Variants in VDR observed in about 807,000 individuals in gnomAD.
VDR encodes vitamin D3 receptor.
Under a neutral mutation model 39.7 loss-of-function variants are expected in VDR, and 19 were observed. The observed-to-expected ratio is 0.48, with a 90% CI of 0.33 to 0.70. The LOEUF is 0.70. VDR is among the 30% of genes least tolerant of loss of function. The pLI, the probability that VDR is intolerant of heterozygous loss-of-function variation, is 0.02. For synonymous variants in VDR, 242 were observed against 215.8 expected (o/e 1.12, Z -1.07); for missense variants, 442 against 570.5 (o/e 0.77, Z 2.29).
rs1379197930 is a variant in VDR, at chr12:47,855,695, C to T, written c.690G>A (p.Leu230=). 2 of 1,614,008 alleles carry T rather than the reference C, an allele frequency of 1.2e-6. No homozygotes were observed. Among genetic ancestry groups the T allele is most frequent in the Admixed American group, 3.3e-5 (2 of 59,996 alleles). Residue 230 remains leucine (L), a synonymous_variant, in exon 7 of 10, where the codon CTG becomes CTA. Coordinates refer to ENST00000549336, the MANE Select transcript of VDR (RefSeq NM_000376.3). ...ELSQLSMLPH[L]ADLVSYSIQK... Reference sequence around the variant, plus strand: ...GGATGCTGTAACTGACCAGGTCAGCCAGGTGGGGCAGCATGGAGAGCTGGG... The same window carrying T: ...GGATGCTGTAACTGACCAGGTCAGCTAGGTGGGGCAGCATGGAGAGCTGGG...
chr12:47,882,880 C>T (rs1946184458), intron 1 of VDR, 106 bp from the exon 2 acceptor site: 1 of 835,212 alleles, frequency 1.2e-6, no homozygotes, highest in Non-Finnish European at 1.9e-6. Flanking sequence ...CTTTAGTCCC[C>T]AGATCAGTGA....
chr12:47,903,732 A>G (rs955413183), intron 1 of VDR, among the ~76,000 whole-genome samples: 2 of 152,128 alleles, frequency 1.3e-5, no homozygotes, highest in Non-Finnish European at 2.9e-5. Flanking sequence ...TGCTAATGAG[A>G]CCACTAGGCA....
chr12:47,860,880 C>T (rs539906414), intron 4 of VDR, among the ~76,000 whole-genome samples: 13 of 152,136 alleles, frequency 8.5e-5, no homozygotes, highest in South Asian at 2.1e-4. Flanking sequence ...AGAAAATATT[C>T]GTAATGCTGG....
chr12:47,874,883 A>C (rs1318695752), intron 3 of VDR, among the ~76,000 whole-genome samples: 1 of 152,216 alleles, frequency 6.6e-6, no homozygotes, highest in Non-Finnish European at 1.5e-5. Context: ...TGTCATTTGG[A>C]ATAGACCTAT....
intron 1 of VDR, among the ~76,000 whole-genome samples, chr12:47,892,915 T>A (rs1358376194): frequency 6.6e-6 from 1 of 152,040 alleles, no homozygotes; most frequent in Non-Finnish European, 1.5e-5. Flanking sequence ...GAGTTTAATG[T>A]GGTGTGGTAA....
intron 3 of VDR, among the ~76,000 whole-genome samples, chr12:47,876,219 C>CTG (rs34365014): frequency 0.51 from 77,011 of 150,270 alleles, 19,704 homozygotes; most frequent in East Asian, 0.63. Flanking sequence ...TGAAGGTTGA[C>CTG]TGTGTGTGTG....
intron 1 of VDR, among the ~76,000 whole-genome samples, chr12:47,898,017 C>A (rs1487547904): frequency 1.3e-5 from 2 of 152,212 alleles, no homozygotes; most frequent in African/African-American, 4.8e-5. Context: ...TAATTGAGCA[C>A]ATAGTATGGG....
chr12:47,872,115 C>T (rs1225768730), intron 3 of VDR, among the ~76,000 whole-genome samples: 2 of 152,234 alleles, frequency 1.3e-5, no homozygotes, highest in African/African-American at 4.8e-5. Flanking sequence ...AAAAAATCCA[C>T]TACCCACTAC....
At chr12:47,856,700 C>T (rs1259291995) in intron 6 of VDR, among the ~76,000 whole-genome samples, 1 of 152,016 alleles carries the variant, frequency 6.6e-6, no homozygotes, top group African/African-American at 2.4e-5. Context: ...GACAGGTCCT[C>T]CAGGGCCAGA....
At position 47,846,807 on chromosome 12, in the gene VDR, C is replaced by A. The variant is rs1945290166; in HGVS notation, c.757G>T (p.Asp253Tyr). 1 of 1,614,128 alleles carries A rather than the reference C, an allele frequency of 6.2e-7. No individual in the cohort carries two copies. Among genetic ancestry groups the A allele is most frequent in the Non-Finnish European group, 8.5e-7 (1 of 1,180,026 alleles). The change falls in exon 8 of 10, where the codon GAC becomes TAC. Residue 253 changes from aspartate to tyrosine, a missense_variant and splice_region_variant. Asp to Tyr is a radical substitution (Grantham distance 160). Transcript: ENST00000549336. ...ACGATCTGGTCCTCAGAGGTGAGGT[C>A]TCTGCAGGGGAGGGAGGGAAGGAGG... ...GFAKMIPGFR[D>Y]LTSEDQIVLL...
intron 4 of VDR, among the ~76,000 whole-genome samples, chr12:47,861,614 C>T (rs1945626915): frequency 6.6e-6 from 1 of 152,172 alleles, no homozygotes; most frequent in Non-Finnish European, 1.5e-5. Flanking sequence ...ATATATGAAG[C>T]CATTGACCTA....
chr12:47,886,660 A>G (rs1946261456), intron 1 of VDR, among the ~76,000 whole-genome samples: 1 of 152,246 alleles, frequency 6.6e-6, no homozygotes, highest in South Asian at 2.1e-4. Context: ...CAATGTCCAC[A>G]GTAAAACCCA....
intron 1 of VDR, among the ~76,000 whole-genome samples, chr12:47,897,216 A>AT (rs1387150225): frequency 6.6e-6 from 1 of 152,260 alleles, no homozygotes; most frequent in African/African-American, 2.4e-5. Context: ...ATTGAGAGGC[A>AT]TAAATGAGAA....
At chr12:47,874,186 A>G (rs1386070254) in intron 3 of VDR, among the ~76,000 whole-genome samples, 1 of 151,970 alleles carries the variant, frequency 6.6e-6, no homozygotes, top group African/African-American at 2.4e-5. Flanking sequence ...AGATAACCCC[A>G]CTCATTCTCT....
intron 1 of VDR, chr12:47,896,950 A>T (rs1296503462): frequency 6.6e-6 from 1 of 152,136 alleles, no homozygotes; most frequent in Non-Finnish European, 1.5e-5. Context: ...CCCTCGTACC[A>T]CCTGCTGCGT....
chr12:47,861,578 A>G, intron 4 of VDR, among the ~76,000 whole-genome samples: 1 of 152,252 alleles, frequency 6.6e-6, no homozygotes, highest in East Asian at 1.9e-4. Flanking sequence ...AGATGTCATT[A>G]CTATCATATA....
At chr12:47,891,234 C>A (rs1352388713) in intron 1 of VDR, among the ~76,000 whole-genome samples, 3 of 152,212 alleles carry the variant, frequency 2.0e-5, no homozygotes, top group African/African-American at 7.2e-5. Context: ...ATTCCTGTCT[C>A]CTTATCTACA....
At chr12:47,897,574 G>A (rs1011628849) in intron 1 of VDR, among the ~76,000 whole-genome samples, 7 of 152,204 alleles carry the variant, frequency 4.6e-5, no homozygotes, top group South Asian at 4.1e-4. Flanking sequence ...GTGGATGGGT[G>A]GTGAATATCT....
intron 3 of VDR, among the ~76,000 whole-genome samples, chr12:47,871,363 C>CTT (rs1565622866): frequency 1.0e-4 from 6 of 58,280 alleles, no homozygotes; most frequent in South Asian, 1.3e-3. Flanking sequence ...TCTTTCCTTT[C>CTT]TCTCTCTCTC....
Sources: allele counts gnomAD v4.1 joint callset (sites outside exome capture counted in the v4.1 genomes callset), GRCh38; gene constraint gnomAD v4.1.1; transcripts MANE v1.5; gene names NCBI Gene and HGNC (gene_info 2026-07-23, HGNC 2026-07-21).